DPH6: variants seen among roughly 807,000 people sequenced by gnomAD.
DPH6 encodes the protein diphthine--ammonia ligase.
Under a neutral mutation model 38.2 loss-of-function variants are expected in DPH6, and 33 were observed. That is an observed-to-expected ratio of 0.86 (90% CI 0.65 to 1.15). DPH6 has a LOEUF of 1.15. Among genes scored for constraint, DPH6 ranks in the 50% most tolerant of loss-of-function variants. The pLI is 0.00. For missense variants in DPH6, 325 were observed against 320.0 expected (o/e 1.02, Z -0.12); for synonymous variants, 108 against 103.0 (o/e 1.05, Z -0.30).
chr15:35,186,471 A>G, the DPH6 span, among the ~76,000 whole-genome samples: 21 of 152,274 alleles, frequency 1.4e-4, no homozygotes, highest in East Asian at 4.1e-3. Context: ...TCATTTCCAC[A>G]TAAGTACCCC....
intron 3 of DPH6, among the ~76,000 whole-genome samples, chr15:35,531,599 GA>G (rs1398331127): frequency 6.6e-6 from 1 of 151,982 alleles, no homozygotes; most frequent in African/African-American, 2.4e-5. Flanking sequence ...TCAGCCTCCT[GA>G]ATAGCTGGGA....
intron 2 of DPH6, among the ~76,000 whole-genome samples, chr15:35,541,224 C>T (rs1439047083): frequency 6.6e-6 from 1 of 152,102 alleles, no homozygotes; most frequent in Non-Finnish European, 1.5e-5. Context: ...TTCCACACGA[C>T]ATCCAGCATT....
chr15:35,161,825 T>A, the DPH6 span, among the ~76,000 whole-genome samples: 1 of 151,902 alleles, frequency 6.6e-6, no homozygotes, highest in Non-Finnish European at 1.5e-5. Context: ...TCTCAGCCTC[T>A]AGAACTGTGA....
At chr15:35,204,834 C>T in the DPH6 span, among the ~76,000 whole-genome samples, 1 of 151,784 alleles carries the variant, frequency 6.6e-6, no homozygotes, top group Non-Finnish European at 1.5e-5. Flanking sequence ...TGAAGAGTTG[C>T]CTGCGAGGAA....
At chr15:35,261,056 C>G (rs2051742986) in intron 3 of DPH6, among the ~76,000 whole-genome samples, 1 of 152,366 alleles carries the variant, frequency 6.6e-6, no homozygotes, top group South Asian at 2.1e-4. Context: ...AACCCACAAT[C>G]TATTATATCA....
chr15:35,253,636 G>A (rs1471672079), intron 3 of DPH6, among the ~76,000 whole-genome samples: 1 of 152,134 alleles, frequency 6.6e-6, no homozygotes, highest in African/African-American at 2.4e-5. Flanking sequence ...CCACATTTCT[G>A]CTTTCTCCCA....
chr15:35,282,178 T>C (rs984552964), intron 3 of DPH6, among the ~76,000 whole-genome samples: 3 of 152,188 alleles, frequency 2.0e-5, no homozygotes, highest in African/African-American at 7.2e-5. Flanking sequence ...GTTTTTCTTT[T>C]TGTTTTTAAA....
chr15:35,488,980 AG>A (rs2054441196), intron 3 of DPH6, among the ~76,000 whole-genome samples: 2 of 146,732 alleles, frequency 1.4e-5, no homozygotes, highest in South Asian at 4.2e-4. Flanking sequence ...CATTTTTGCC[AG>A]GAAAAAAAAA....
At chr15:35,344,506 G>C (rs2052446448) in intron 3 of DPH6, among the ~76,000 whole-genome samples, 1 of 151,810 alleles carries the variant, frequency 6.6e-6, no homozygotes. Flanking sequence ...ATTCAGGAGA[G>C]ACTTAAAAGG....
In DPH6 at chr15:35,515,637, C is replaced by T. The variant is rs7176626; in HGVS notation, c.312+22637G>A. Reference sequence around the variant, plus strand: ...TCAGGAGGCTGAGGCGGGAGAATGGCGTGAACCCAGAAGGCAGAGCTTGCA... The same window carrying T: ...TCAGGAGGCTGAGGCGGGAGAATGGTGTGAACCCAGAAGGCAGAGCTTGCA... On this transcript the variant is annotated intron_variant, in intron 3 of 8. Coordinates refer to ENST00000256538, the MANE Select transcript of DPH6 (RefSeq NM_080650.4). Among the ~76,000 whole-genome samples, 588 of 144,706 alleles carry T rather than the reference C, an allele frequency of 4.1e-3. 10 individuals are homozygous for T. Among genetic ancestry groups the T allele is most frequent in the African/African-American group, 0.014 (562 of 39,226 alleles). 94.9% of individuals were successfully genotyped at this position (144,706 alleles called of 152,430 possible).
chr15:35,393,239 G>A (rs915709473), intron 6 of DPH6, among the ~76,000 whole-genome samples: 1 of 152,160 alleles, frequency 6.6e-6, no homozygotes, highest in Non-Finnish European at 1.5e-5. Flanking sequence ...AATGGGGATG[G>A]AGAGGAGAGA....
At chr15:35,542,289 T>C (rs1011458049) in intron 2 of DPH6, 124 bp downstream of exon 2, 1 of 736,090 alleles carries the variant, frequency 1.4e-6, no homozygotes, top group Non-Finnish European at 2.1e-6. Context: ...AACTAGCATC[T>C]AATGGGTGCT....
At chr15:35,230,064 G>A (rs564305253) in intron 3 of DPH6, among the ~76,000 whole-genome samples, 1 of 152,304 alleles carries the variant, frequency 6.6e-6, no homozygotes, top group South Asian at 2.1e-4. Flanking sequence ...GTCACTCGAA[G>A]CCCTGGGGCT....
At chr15:35,224,051 T>C (rs182513020) in intron 3 of DPH6, among the ~76,000 whole-genome samples, 179 of 151,718 alleles carry the variant, frequency 1.2e-3, no homozygotes, top group African/African-American at 4.2e-3. Context: ...TTCTTTTAAT[T>C]AGCAATATGC....
chr15:35,428,025 T>A (rs1245660219), intron 5 of DPH6, among the ~76,000 whole-genome samples: 1 of 151,874 alleles, frequency 6.6e-6, no homozygotes, highest in Non-Finnish European at 1.5e-5. Context: ...AGAAGGAAAG[T>A]AGACCAGGAG....
chr15:35,272,279 T>TA (rs1168603915), intron 3 of DPH6, among the ~76,000 whole-genome samples: 1 of 152,178 alleles, frequency 6.6e-6, no homozygotes, highest in East Asian at 1.9e-4. Context: ...TATGGCCATT[T>TA]AATATAAGGC....
chr15:35,244,576 T>A (rs570139557), intron 3 of DPH6, among the ~76,000 whole-genome samples: 1 of 152,366 alleles, frequency 6.6e-6, no homozygotes, highest in South Asian at 2.1e-4. Context: ...GGTGAAAAGA[T>A]GAAAAGTTAA....
In DPH6 at chr15:35,241,235, C is replaced by A. The variant is rs1224833124; in HGVS notation, n.201-20653G>T. On this transcript the variant is annotated intron_variant and non_coding_transcript_variant, in intron 3 of 3. Coordinates refer to the DPH6 transcript ENST00000560386. ...TCCTTCCCAGATCTTCTCGGCTTAGCAGCTGAAGACTGACACTGCCCGATC... is the reference window on the plus strand; with the variant it reads ...TCCTTCCCAGATCTTCTCGGCTTAGAAGCTGAAGACTGACACTGCCCGATC... Among the ~76,000 whole-genome samples, 7 of 143,782 alleles carry A rather than the reference C, an allele frequency of 4.9e-5. 1 individual carries two copies. The highest frequency in any genetic ancestry group is 4.9e-4 in the South Asian group (2 of 4,116). 94.3% of individuals were successfully genotyped at this position (143,782 alleles called of 152,430 possible).
intron 7 of DPH6, among the ~76,000 whole-genome samples, chr15:35,380,038 A>G (rs2052843140): frequency 6.6e-6 from 1 of 152,226 alleles, no homozygotes; most frequent in African/African-American, 2.4e-5. Flanking sequence ...AAGCATCAGA[A>G]TTAGATTGGT....
Sources: allele counts gnomAD v4.1 joint callset (sites outside exome capture counted in the v4.1 genomes callset), GRCh38; gene constraint gnomAD v4.1.1; transcripts MANE v1.5; gene names NCBI Gene and HGNC (gene_info 2026-07-23, HGNC 2026-07-21).